Variants in MYOM2 observed in about 807,000 individuals in gnomAD.
The protein encoded by MYOM2 is myomesin-2.
Under a neutral mutation model 187.6 loss-of-function variants are expected in MYOM2, and 254 were observed. The ratio of observed to expected loss-of-function variants is 1.35; its 90% CI spans 1.22 to 1.50. MYOM2 has a LOEUF of 1.50. Among genes scored for constraint, MYOM2 ranks in the 40% most tolerant of loss-of-function variants. The pLI is 0.00. For missense variants in MYOM2, 2,796 were observed against 1,924.0 expected (o/e 1.45, Z -8.48); for synonymous variants, 981 against 753.8 (o/e 1.30, Z -4.94).
intron 2 of MYOM2, 38 bp from the exon 3 acceptor site, chr8:2,052,120 T>C: frequency 1.2e-6 from 2 of 1,610,846 alleles, no homozygotes; most frequent in Non-Finnish European, 8.5e-7. Flanking sequence ...ATACTGTGCC[T>C]GAGCATGCAT....
Position 2,123,635 on chromosome 8 carries a change from T to C in MYOM2, c.3648T>C (p.Ala1216=). 6.2e-7 allele frequency: 1 copy of C among 1,614,030 alleles called. No homozygotes were observed. Among genetic ancestry groups the C allele is most frequent in the Non-Finnish European group, 8.5e-7 (1 of 1,179,880 alleles). The change falls in exon 30 of 37, where the codon GCT becomes GCC. Residue 1216 remains alanine, a synonymous_variant. Coordinates refer to ENST00000262113, the MANE Select transcript of MYOM2 (RefSeq NM_003970.4). The part of the protein sequence containing the change: ...RGQDVSILEI[A]GKVYDDMILA... ...AAGATGTGTCCATCCTTGAAATAGC[T>C]GGCAAAGGTAAAAGAAAACCTCCTT...
intron 19 of MYOM2, among the ~76,000 whole-genome samples, chr8:2,100,017 T>TTTCCTTCCTTCCTTCTTTCC (rs1796629947): frequency 7.3e-6 from 1 of 136,138 alleles, no homozygotes; most frequent in African/African-American, 2.8e-5. Flanking sequence ...CCTTCCTTTC[T>TTTCCTTCCTTCCTTCTTTCC]TTCCTTCCTT....
Position 2,144,680 on chromosome 8 carries a change from G to A in MYOM2, c.4097G>A (p.Cys1366Tyr). The change falls in exon 37 of 37, where the codon TGC becomes TAC. Residue 1366 changes from cysteine to tyrosine, a missense_variant. Cys to Tyr is a radical substitution (Grantham distance 194). Transcript: ENST00000262113. ...IMEGKTLNLT[C>Y]TVFGNPDPEV... ...CGTCCAAAGACCTTGAATCTGACCT[G>A]CACGGTGTTTGGAAACCCTGACCCC... The A allele has an allele frequency of 2.5e-6, 4 of 1,613,836 alleles. No individual in the cohort carries two copies. Among genetic ancestry groups the A allele is most frequent in the South Asian group, 1.1e-5 (1 of 91,058 alleles).
intron 19 of MYOM2, 53 bp downstream of exon 19, chr8:2,099,036 A>C (rs1796596975): frequency 2.1e-5 from 33 of 1,541,036 alleles, no homozygotes; most frequent in Non-Finnish European, 2.8e-5. Context: ...CTGGCTGGGA[A>C]GGGGCCTCTG....
chr8:2,092,725 C>T (rs1360965076), intron 16 of MYOM2, among the ~76,000 whole-genome samples: 1 of 151,490 alleles, frequency 6.6e-6, no homozygotes, highest in African/African-American at 2.4e-5. Context: ...TCGACCGAAA[C>T]GATTTATTTA....
At chr8:2,096,173 C>T (rs1305854216) in intron 17 of MYOM2, 74 bp from the exon 18 acceptor site, 2 of 1,474,522 alleles carry the variant, frequency 1.4e-6, no homozygotes, top group East Asian at 2.3e-5. Context: ...CTCTGCCACA[C>T]TGGAGCTGGC....
chr8:2,064,790 CCTT>C, intron 6 of MYOM2, among the ~76,000 whole-genome samples: 1 of 152,180 alleles, frequency 6.6e-6, no homozygotes, highest in East Asian at 1.9e-4. Flanking sequence ...TCCCCCTCCT[CCTT>C]CTCCTCTCCT....
chr8:2,086,298 G>A (rs1208856098), intron 14 of MYOM2, among the ~76,000 whole-genome samples: 14 of 136,340 alleles, frequency 1.0e-4, no homozygotes, highest in African/African-American at 1.4e-4. Flanking sequence ...CGTGATCTCC[G>A]CGTGGCCCCC....
At chr8:2,085,542 G>GCCCCCCACTGTCGTGAT in intron 14 of MYOM2, 152 bp downstream of exon 14, 1 of 318,142 alleles carries the variant, frequency 3.1e-6, no homozygotes, top group South Asian at 3.5e-5. Context: ...TCTCTGCGTG[G>GCCCCCCACTGTCGTGAT]CCCCACTGTC....
intron 3 of MYOM2, among the ~76,000 whole-genome samples, chr8:2,055,657 T>A (rs1818639051): frequency 1.3e-5 from 2 of 152,204 alleles, no homozygotes; most frequent in South Asian, 4.1e-4. Flanking sequence ...GATTGCGAAC[T>A]TCCCAAATGC....
chr8:2,119,005 G>C (rs572043931), intron 28 of MYOM2: 1 of 152,410 alleles, frequency 6.6e-6, no homozygotes, highest in East Asian at 1.9e-4. Flanking sequence ...GACCGAGTGG[G>C]TGTGATATTT....
chr8:2,124,233 T>C lies in MYOM2; in HGVS notation c.3694+16T>C, dbSNP rs775626615. The C allele has an allele frequency of 6.8e-6, 11 of 1,607,468 alleles. No individual in the cohort carries two copies. In the Admixed American group the frequency reaches 1.7e-4, roughly 24 times the overall value. On this transcript the variant is annotated intron_variant, in intron 31 of 36. Coordinates refer to ENST00000262113, the MANE Select transcript of MYOM2 (RefSeq NM_003970.4). ...AGAGTCTGTGGTAAGTAAATGCCTT[T>C]TAATTTTCAAGTCATTTGGGGTGCT...
At chr8:2,094,569 C>T (rs1448998909) in intron 17 of MYOM2, among the ~76,000 whole-genome samples, 1 of 152,142 alleles carries the variant, frequency 6.6e-6, no homozygotes, top group African/African-American at 2.4e-5. Context: ...GGAGAGTCAC[C>T]TAATCTGGGA....
At chr8:2,120,561 G>A (rs1042763556) in intron 28 of MYOM2, among the ~76,000 whole-genome samples, 1 of 148,148 alleles carries the variant, frequency 6.8e-6, no homozygotes, top group African/African-American at 2.5e-5. Flanking sequence ...ACCCTAGATA[G>A]GTGCAGGTTA....
intron 10 of MYOM2, among the ~76,000 whole-genome samples, chr8:2,074,199 G>C (rs1024659618): frequency 6.6e-6 from 1 of 152,194 alleles, no homozygotes; most frequent in African/African-American, 2.4e-5. Context: ...AGGTGTGCAT[G>C]TATGTGCCTA....
chr8:2,063,882 T>G (rs1240849198), intron 6 of MYOM2, among the ~76,000 whole-genome samples: 2 of 152,226 alleles, frequency 1.3e-5, no homozygotes, highest in Non-Finnish European at 2.9e-5. Flanking sequence ...GAGAAGACTC[T>G]CTCCATCTAT....
At chr8:2,082,855 A>G (rs1274553838) in intron 13 of MYOM2, among the ~76,000 whole-genome samples, 1 of 152,102 alleles carries the variant, frequency 6.6e-6, no homozygotes, top group Admixed American at 6.5e-5. Flanking sequence ...CCTAAAATAA[A>G]CTCGGTGTTT....
At chr8:2,123,071 A>T (rs1477773712) in intron 28 of MYOM2, among the ~76,000 whole-genome samples, 181 bp from the exon 29 acceptor site, 1 of 152,214 alleles carries the variant, frequency 6.6e-6, no homozygotes, top group Non-Finnish European at 1.5e-5. Flanking sequence ...GCTGGAATTT[A>T]GAAATGTGTT....
At chr8:2,093,330 G>T (rs1410538085) in intron 16 of MYOM2, among the ~76,000 whole-genome samples, 3 of 152,174 alleles carry the variant, frequency 2.0e-5, no homozygotes, top group Non-Finnish European at 2.9e-5. Flanking sequence ...ACAGGGAAAT[G>T]GTTAGTGAAT....
Sources: allele counts gnomAD v4.1 joint callset (sites outside exome capture counted in the v4.1 genomes callset), GRCh38; gene constraint gnomAD v4.1.1; transcripts MANE v1.5; gene names NCBI Gene and HGNC (gene_info 2026-07-23, HGNC 2026-07-21).